Variants in CTNND2 observed in about 807,000 individuals in gnomAD.
CTNND2 encodes catenin delta 2, also known as catenin delta-2.
Under a neutral mutation model 144.4 loss-of-function variants are expected in CTNND2, and 22 were observed. That is an observed-to-expected ratio of 0.15 (90% confidence interval 0.11 to 0.22). The LOEUF (loss-of-function observed/expected upper bound fraction) is 0.22. CTNND2 is among the 10% of genes least tolerant of loss of function. CTNND2 has a pLI of 1.00. For synonymous variants in CTNND2, 751 were observed against 695.6 expected (o/e 1.08, Z -1.25); for missense variants, 1,353 against 1,618.8 (o/e 0.84, Z 2.82).
At chr5:11,898,273 C>T (rs1269890979) in intron 1 of CTNND2, among the ~76,000 whole-genome samples, 1 of 152,232 alleles carries the variant, frequency 6.6e-6, no homozygotes, top group African/African-American at 2.4e-5. Flanking sequence ...CAACAACCCA[C>T]ATTCCTGCAC....
intron 9 of CTNND2, among the ~76,000 whole-genome samples, chr5:11,290,772 A>G (rs768758710): frequency 4.0e-4 from 61 of 152,186 alleles, no homozygotes; most frequent in Non-Finnish European, 6.9e-4. Context: ...TCACATTAAA[A>G]GAGATGAAGC....
intron 16 of CTNND2, among the ~76,000 whole-genome samples, chr5:11,055,043 A>G (rs2907093): frequency 0.77 from 117,355 of 152,126 alleles, 46,162 homozygotes; most frequent in African/African-American, 0.93. Context: ...CACCTGGCAT[A>G]GGAATGCTGG....
intron 1 of CTNND2, among the ~76,000 whole-genome samples, chr5:11,819,069 T>A (rs1394845927): frequency 6.6e-6 from 1 of 152,212 alleles, no homozygotes; most frequent in Non-Finnish European, 1.5e-5. Context: ...TTGAAGATCT[T>A]AATTGAAACA....
intron 3 of CTNND2, among the ~76,000 whole-genome samples, chr5:11,420,366 C>G (rs1450065260): frequency 6.6e-6 from 1 of 152,096 alleles, no homozygotes; most frequent in African/African-American, 2.4e-5. Flanking sequence ...TTGATTCTAA[C>G]CTATAGGAAC....
chr5:11,371,465 T>G (rs546828236), intron 7 of CTNND2, among the ~76,000 whole-genome samples: 1 of 152,328 alleles, frequency 6.6e-6, no homozygotes, highest in African/African-American at 2.4e-5. Context: ...TTAAGAAAGG[T>G]GTGCCTCAAA....
chr5:11,739,463 C>A (rs1787874361), intron 1 of CTNND2, among the ~76,000 whole-genome samples: 1 of 152,180 alleles, frequency 6.6e-6, no homozygotes, highest in South Asian at 2.1e-4. Context: ...AACCTGAAAT[C>A]TACCTATGAC....
At chr5:11,836,711 C>T (rs1257534870) in intron 1 of CTNND2, among the ~76,000 whole-genome samples, 1 of 151,810 alleles carries the variant, frequency 6.6e-6, no homozygotes, top group Non-Finnish European at 1.5e-5. Flanking sequence ...CATAAAAGCA[C>T]AAAATTATTT....
intron 1 of CTNND2, among the ~76,000 whole-genome samples, chr5:11,777,500 A>G (rs1269133650): frequency 2.0e-5 from 3 of 152,144 alleles, no homozygotes; most frequent in African/African-American, 7.2e-5. Context: ...GTTGTTTCCA[A>G]TCCTGGATCG....
intron 11 of CTNND2, among the ~76,000 whole-genome samples, chr5:11,178,598 C>T (rs559341690): frequency 1.4e-4 from 21 of 152,236 alleles, no homozygotes; most frequent in African/African-American, 5.1e-4. Context: ...GAAGATGATG[C>T]TAACAAAATG....
intron 12 of CTNND2, among the ~76,000 whole-genome samples, chr5:11,139,424 G>A (rs369970687): frequency 6.6e-6 from 1 of 152,198 alleles, no homozygotes; most frequent in African/African-American, 2.4e-5. Flanking sequence ...CACCTAGAAC[G>A]GGACCAGCTG....
At chr5:11,286,471 C>T (rs1284119501) in intron 9 of CTNND2, among the ~76,000 whole-genome samples, 1 of 152,130 alleles carries the variant, frequency 6.6e-6, no homozygotes, top group African/African-American at 2.4e-5. Flanking sequence ...TAAAAATTGC[C>T]CAAGATCACA....
rs1739385512 is a variant in CTNND2 at position 10,996,635 on chromosome 5, T to C, written c.3085-3958A>G. Among the ~76,000 whole-genome samples, 2 of 152,164 alleles carry C rather than the reference T, an allele frequency of 1.3e-5. 1 individual carries two copies. The highest frequency in any genetic ancestry group is 2.9e-5 in the Non-Finnish European group (2 of 68,018). ...TTTCTTTTGAGACAGAGTCTCGCTC[T>C]GTCACCAGGCTGGAGTGCAATGGCG... On this transcript the variant is annotated intron_variant, in intron 18 of 21. Coordinates refer to ENST00000304623, the MANE Select transcript of CTNND2 (RefSeq NM_001332.4).
intron 1 of CTNND2, among the ~76,000 whole-genome samples, chr5:11,804,973 T>C (rs1332575895): frequency 1.3e-5 from 2 of 152,174 alleles, no homozygotes; most frequent in East Asian, 1.9e-4. Context: ...TGGAAATGAA[T>C]GGCGATTGCA....
At position 11,023,913 on chromosome 5, in the gene CTNND2, T is replaced by C. The variant is rs61751663; in HGVS notation, c.2789-934A>G. ...TGCTCCTTTAATTGACTTCTGGAAG[T>C]AAGTAAATGAGTGCCTGTAGCAAAG... On this transcript the variant is annotated intron_variant, in intron 16 of 21. Transcript: ENST00000304623. Among the ~76,000 whole-genome samples the C allele has an allele frequency of 8.9e-3, 1,357 of 152,334 alleles. 23 individuals are homozygous for C. The highest frequency in any genetic ancestry group is 0.031 in the African/African-American group (1,289 of 41,572).
intron 2 of CTNND2, among the ~76,000 whole-genome samples, chr5:11,623,590 C>T (rs1031118874): frequency 6.6e-6 from 1 of 151,588 alleles, no homozygotes; most frequent in African/African-American, 2.4e-5. Flanking sequence ...ATACACCCAT[C>T]TCACATGCAA....
intron 2 of CTNND2, among the ~76,000 whole-genome samples, chr5:11,714,603 T>C (rs1046424588): frequency 8.5e-5 from 13 of 152,120 alleles, no homozygotes; most frequent in Non-Finnish European, 1.5e-5. Flanking sequence ...CTTCCTCATA[T>C]GTAAATTGTA....
chr5:11,613,724 C>CT (rs776675355), intron 2 of CTNND2, among the ~76,000 whole-genome samples: 1 of 152,206 alleles, frequency 6.6e-6, no homozygotes, highest in Non-Finnish European at 1.5e-5. Flanking sequence ...TCATCTCTTT[C>CT]TTACCAGCTC....
At chr5:11,075,173 T>C (rs2973523) in intron 16 of CTNND2, among the ~76,000 whole-genome samples, 114,079 of 152,154 alleles carry the variant, frequency 0.75, 43,443 homozygotes, top group East Asian at 0.93. Context: ...TCCATCTTGG[T>C]TGGTGGATGC....
At chr5:11,634,050 C>A (rs1432788766) in intron 2 of CTNND2, among the ~76,000 whole-genome samples, 1 of 152,158 alleles carries the variant, frequency 6.6e-6, no homozygotes, top group Non-Finnish European at 1.5e-5. Context: ...AGCTCTCTGC[C>A]CCATGAGTTG....
Sources: allele counts gnomAD v4.1 joint callset (sites outside exome capture counted in the v4.1 genomes callset), GRCh38; gene constraint gnomAD v4.1.1; transcripts MANE v1.5; gene names NCBI Gene and HGNC (gene_info 2026-07-23, HGNC 2026-07-21).